Variants in TUSC3 observed in about 807,000 individuals in gnomAD.
TUSC3 encodes the protein tumor suppressor candidate 3.
A neutral mutation model predicts 44.8 loss-of-function variants in TUSC3; 45 were observed. The ratio of observed to expected loss-of-function variants is 1.00; its 90% CI spans 0.79 to 1.29. TUSC3 has a LOEUF of 1.29. Among genes scored for constraint, TUSC3 ranks in the 50% most tolerant of loss-of-function variants. The probability of loss-of-function intolerance (pLI) is 0.00; values close to 1 mark genes in which losing one functional copy is unlikely to be tolerated. For missense variants in TUSC3, 519 were observed against 437.9 expected (o/e 1.19, Z -1.65); for synonymous variants, 212 against 152.9 (o/e 1.39, Z -2.85).
At chr8:15,673,660 A>T (rs1271760025) in intron 5 of TUSC3, 87 bp from the exon 6 acceptor site, 3 of 1,131,554 alleles carry the variant, frequency 2.7e-6, no homozygotes, top group Non-Finnish European at 4.0e-6. Context: ...TTTAAAAGAT[A>T]CTTTCATGAT....
At chr8:15,809,047 G>T in the TUSC3 span, among the ~76,000 whole-genome samples, 2 of 152,090 alleles carry the variant, frequency 1.3e-5, no homozygotes, top group African/African-American at 4.8e-5. Context: ...TTGGTGGGAG[G>T]AAAAGCACGT....
intron 6 of TUSC3, among the ~76,000 whole-genome samples, chr8:15,705,844 T>C (rs961790347): frequency 6.6e-5 from 10 of 152,068 alleles, no homozygotes; most frequent in African/African-American, 2.4e-4. Context: ...CTTCATGCTT[T>C]ACAACTTACA....
intron 7 of TUSC3, among the ~76,000 whole-genome samples, chr8:15,734,480 T>C (rs1035517552): frequency 8.5e-5 from 13 of 152,222 alleles, no homozygotes; most frequent in African/African-American, 2.4e-5. Flanking sequence ...TAATATGGAA[T>C]ATAAACCATC....
At chr8:15,517,432 T>G (rs2129128895) in intron 2 of TUSC3, among the ~76,000 whole-genome samples, 1 of 148,354 alleles carries the variant, frequency 6.7e-6, no homozygotes, top group Admixed American at 7.0e-5. Flanking sequence ...ATGGATATAT[T>G]TATATACATC....
intron 2 of TUSC3, among the ~76,000 whole-genome samples, chr8:15,523,924 C>A (rs570561784): frequency 6.6e-6 from 1 of 151,122 alleles, no homozygotes; most frequent in Non-Finnish European, 1.5e-5. Context: ...GGGGTGGTGG[C>A]GCGCACCTGT....
At chr8:15,700,959 G>A (rs1300533732) in intron 6 of TUSC3, among the ~76,000 whole-genome samples, 2 of 147,810 alleles carry the variant, frequency 1.4e-5, no homozygotes, top group Admixed American at 1.4e-4. Context: ...TAGTCCGGAG[G>A]TCCCTATTCT....
At chr8:15,750,122 G>A (rs1316373935) in intron 9 of TUSC3, among the ~76,000 whole-genome samples, 1 of 151,118 alleles carries the variant, frequency 6.6e-6, no homozygotes, top group South Asian at 2.1e-4. Context: ...TGGGACTACG[G>A]GTGCCCGCCA....
the TUSC3 span, among the ~76,000 whole-genome samples, chr8:15,817,972 G>A: frequency 6.6e-6 from 1 of 152,108 alleles, no homozygotes; most frequent in Admixed American, 6.5e-5. Flanking sequence ...GTGACTCTAG[G>A]AATGGAAAAA....
chr8:15,423,974 T>TGTTTTGTTTTG (rs780186989), intron 1 of TUSC3, among the ~76,000 whole-genome samples: 2 of 57,804 alleles, frequency 3.5e-5, no homozygotes, highest in African/African-American at 2.8e-4. Flanking sequence ...GCTTTGTTTT[T>TGTTTTGTTTTG]TTTTTTTTTT....
At chr8:15,483,796 C>G (rs138639430) in intron 2 of TUSC3, among the ~76,000 whole-genome samples, 1 of 151,574 alleles carries the variant, frequency 6.6e-6, no homozygotes, top group Non-Finnish European at 1.5e-5. Flanking sequence ...GCTGGGACTA[C>G]AGGCGCCAGC....
rs186207088 is a variant in TUSC3 at position 15,727,036 on chromosome 8, C to A, written c.799-3630C>A. 7.0e-4 allele frequency among the ~76,000 whole-genome samples: 107 copies of A among 152,118 alleles called. No individual in the cohort carries two copies. The East Asian group carries it at 0.013, about 19-fold the overall frequency. On this transcript the variant is annotated intron_variant, in intron 6 of 10. Coordinates refer to ENST00000503731, the MANE Select transcript of TUSC3 (RefSeq NM_006765.4). ...CTGAGTTACTGATACGTCCCTCACT[C>A]ATGAGAATTAGTAAAATATCAGAGA...
intron 3 of TUSC3, among the ~76,000 whole-genome samples, chr8:15,657,764 C>T (rs1807238551): frequency 1.3e-5 from 2 of 152,162 alleles, no homozygotes; most frequent in South Asian, 4.1e-4. Context: ...TAGCAGCACC[C>T]AGTGCCTCTG....
At chr8:15,691,729 AT>A (rs960825886) in intron 6 of TUSC3, among the ~76,000 whole-genome samples, 3 of 151,544 alleles carry the variant, frequency 2.0e-5, no homozygotes, top group South Asian at 2.1e-4. Flanking sequence ...GGAATATTGA[AT>A]TTTTTTTTGA....
At chr8:15,456,953 A>T (rs532857126) in intron 1 of TUSC3, among the ~76,000 whole-genome samples, 4 of 152,294 alleles carry the variant, frequency 2.6e-5, no homozygotes, top group Middle Eastern at 3.4e-3. Context: ...CCTTTATGAA[A>T]ATAAAGACAA....
At chr8:15,433,047 A>G (rs1209973025) in intron 1 of TUSC3, among the ~76,000 whole-genome samples, 1 of 152,194 alleles carries the variant, frequency 6.6e-6, no homozygotes, top group Non-Finnish European at 1.5e-5. Context: ...AAGGGAGTTG[A>G]TAGGGGAATC....
At chr8:15,793,674 A>G in the TUSC3 span, among the ~76,000 whole-genome samples, 56 of 152,324 alleles carry the variant, frequency 3.7e-4, no homozygotes, top group East Asian at 8.3e-3. Context: ...CTACTAGAAT[A>G]TAAGTTCCAT....
At chr8:15,641,428 C>T (rs865937634) in intron 2 of TUSC3, among the ~76,000 whole-genome samples, 2 of 150,246 alleles carry the variant, frequency 1.3e-5, no homozygotes, top group South Asian at 2.1e-4. Flanking sequence ...AATCCTATAT[C>T]AAGAGTAAGC....
chr8:15,795,866 T>A, the TUSC3 span, among the ~76,000 whole-genome samples: 6 of 152,288 alleles, frequency 3.9e-5, no homozygotes, highest in South Asian at 1.2e-3. Context: ...AATCTGTCCT[T>A]TATATTCATG....
At chr8:15,454,054 C>A (rs1014987116) in intron 1 of TUSC3, among the ~76,000 whole-genome samples, 35 of 152,126 alleles carry the variant, frequency 2.3e-4, no homozygotes, top group African/African-American at 8.5e-4. Context: ...CATGTGTACA[C>A]CTCCAGTAAA....
Sources: allele counts gnomAD v4.1 joint callset (sites outside exome capture counted in the v4.1 genomes callset), GRCh38; gene constraint gnomAD v4.1.1; transcripts MANE v1.5; gene names NCBI Gene and HGNC (gene_info 2026-07-23, HGNC 2026-07-21).